The following CRISPLD2 variants were observed in gnomAD, a reference collection of about 807,000 sequenced individuals.
The protein encoded by CRISPLD2 is cysteine-rich secretory protein LCCL domain-containing 2.
Under a neutral mutation model 71.1 loss-of-function variants are expected in CRISPLD2, and 47 were observed. The observed-to-expected ratio is 0.66, with a 90% confidence interval of 0.52 to 0.84. The LOEUF (loss-of-function observed/expected upper bound fraction) is 0.84, where lower values mean the gene tolerates loss of function less well. CRISPLD2 is among the 40% of genes least tolerant of loss of function. The pLI is 0.00. For missense variants in CRISPLD2, 830 were observed against 651.1 expected (o/e 1.27, Z -2.99); for synonymous variants, 317 against 250.1 (o/e 1.27, Z -2.52).
At chr16:84,854,629 G>T (rs1917183374) in intron 5 of CRISPLD2, 100 bp from the exon 6 acceptor site, 1 of 819,652 alleles carries the variant, frequency 1.2e-6, no homozygotes, top group Non-Finnish European at 2.1e-6. Context: ...TGACCTGTCA[G>T]TGGCGGTGTT....
At chr16:84,850,843 G>T (rs1341362553) in intron 5 of CRISPLD2, among the ~76,000 whole-genome samples, 160 bp downstream of exon 5, 2 of 152,154 alleles carry the variant, frequency 1.3e-5, no homozygotes, top group Non-Finnish European at 2.9e-5. Context: ...TAGCTAAGCA[G>T]TGTCAACAAG....
chr16:84,894,184 C>T (rs2071686298), intron 14 of CRISPLD2, among the ~76,000 whole-genome samples: 1 of 152,164 alleles, frequency 6.6e-6, no homozygotes, highest in Non-Finnish European at 1.5e-5. Flanking sequence ...CCTGCTCTCT[C>T]ACCCCTGCCC....
intron 14 of CRISPLD2, among the ~76,000 whole-genome samples, chr16:84,901,972 G>T (rs2071758668): frequency 6.6e-6 from 1 of 150,948 alleles, no homozygotes; most frequent in South Asian, 2.1e-4. Flanking sequence ...TTTTGTTTTT[G>T]TATTTTTGGT....
At chr16:84,834,878 C>A (rs976180200) in intron 1 of CRISPLD2, among the ~76,000 whole-genome samples, 9 of 152,062 alleles carry the variant, frequency 5.9e-5, no homozygotes, top group Non-Finnish European at 1.3e-4. Flanking sequence ...GGTTAGGGCC[C>A]AACCTCATGG....
chr16:84,897,029 T>C (rs1456420369), intron 14 of CRISPLD2, among the ~76,000 whole-genome samples: 4 of 152,146 alleles, frequency 2.6e-5, no homozygotes, highest in African/African-American at 9.7e-5. Flanking sequence ...TTCAAGGCAA[T>C]TGAGGGGGAT....
intron 1 of CRISPLD2, among the ~76,000 whole-genome samples, chr16:84,831,844 C>T (rs1042659794): frequency 6.6e-6 from 1 of 152,152 alleles, no homozygotes; most frequent in Non-Finnish European, 1.5e-5. Context: ...AAGTGATTTT[C>T]CTGCCTCAGC....
In CRISPLD2 at chr16:84,850,533, C is replaced by G. The variant is rs756936476; in HGVS notation, c.493-35C>G. The G allele has an allele frequency of 3.0e-5, 47 of 1,577,268 alleles. No individual in the cohort carries two copies. The South Asian group carries it at 5.1e-4, about 17-fold the overall frequency. Reference sequence around the variant, plus strand: ...TGATATCACCCTTTTGTGCCTTATCCCTCGAGCTGTGACACACAAATGTCA... The same window carrying G: ...TGATATCACCCTTTTGTGCCTTATCGCTCGAGCTGTGACACACAAATGTCA... On this transcript the variant is annotated intron_variant, in intron 4 of 14. Coordinates refer to ENST00000262424, the MANE Select transcript of CRISPLD2 (RefSeq NM_031476.4).
At chr16:84,878,843 C>A (rs1322282477) in intron 12 of CRISPLD2, among the ~76,000 whole-genome samples, 1 of 152,230 alleles carries the variant, frequency 6.6e-6, no homozygotes, top group African/African-American at 2.4e-5. Flanking sequence ...CTAAGCTGCC[C>A]TTCAAACAGA....
At chr16:84,875,978 C>T (rs1480947412) in intron 11 of CRISPLD2, among the ~76,000 whole-genome samples, 1 of 152,158 alleles carries the variant, frequency 6.6e-6, no homozygotes, top group Non-Finnish European at 1.5e-5. Context: ...CTATATAGAA[C>T]CATGGCCTGT....
At chr16:84,831,132 T>C (rs767772018) in intron 1 of CRISPLD2, among the ~76,000 whole-genome samples, 1 of 152,170 alleles carries the variant, frequency 6.6e-6, no homozygotes, top group Non-Finnish European at 1.5e-5. Flanking sequence ...GGGGTGCCCA[T>C]GGGCCTGTCA....
intron 2 of CRISPLD2, among the ~76,000 whole-genome samples, chr16:84,845,476 C>G (rs560588842): frequency 2.9e-4 from 44 of 152,226 alleles, no homozygotes; most frequent in Non-Finnish European, 7.3e-5. Context: ...TTCCACACAG[C>G]GTGCCGTGTT....
At chr16:84,837,373 C>T (rs1298355299) in intron 1 of CRISPLD2, among the ~76,000 whole-genome samples, 17 of 150,918 alleles carry the variant, frequency 1.1e-4, no homozygotes, top group South Asian at 6.3e-4. Flanking sequence ...ACCAGGAGGC[C>T]GGCCCTGGGC....
intron 11 of CRISPLD2, among the ~76,000 whole-genome samples, chr16:84,875,412 GAC>G (rs2071509233): frequency 7.8e-6 from 1 of 128,710 alleles, no homozygotes; most frequent in African/African-American, 3.7e-5. Flanking sequence ...TTTATGCATG[GAC>G]TTTTTTTTTT....
intron 11 of CRISPLD2, 105 bp downstream of exon 11, chr16:84,874,068 G>T: frequency 1.0e-6 from 1 of 962,740 alleles, no homozygotes; most frequent in Non-Finnish European, 1.6e-6. Flanking sequence ...TCATGCGTGT[G>T]AACATTATGG....
chr16:84,836,860 G>A (rs1916634013), intron 1 of CRISPLD2, among the ~76,000 whole-genome samples: 2 of 152,126 alleles, frequency 1.3e-5, no homozygotes, highest in East Asian at 1.9e-4. Context: ...GTGGAGTTCC[G>A]ACGGGTCAGC....
At chr16:84,885,048 CTTG>C (rs201463558) in intron 13 of CRISPLD2, among the ~76,000 whole-genome samples, 143 of 152,262 alleles carry the variant, frequency 9.4e-4, no homozygotes, top group African/African-American at 2.9e-3. Flanking sequence ...CTTATTTCAT[CTTG>C]TTGTTGTTGT....
chr16:84,824,782 C>T (rs562442814), intron 1 of CRISPLD2, among the ~76,000 whole-genome samples: 8 of 152,178 alleles, frequency 5.3e-5, no homozygotes, highest in African/African-American at 1.7e-4. Context: ...TTTCTTGGAA[C>T]GCAAAAAACA....
At position 84,893,035 on chromosome 16, in the gene CRISPLD2, C is replaced by A. The variant is rs561696656; in HGVS notation, c.1439+3672C>A. Among the ~76,000 whole-genome samples the A allele has an allele frequency of 3.4e-3, 506 of 150,456 alleles. 5 individuals carry two copies. Among genetic ancestry groups the A allele is most frequent in the African/African-American group, 0.012 (494 of 40,824 alleles). ...ACTGAATATTCATCACGCACCTGTGCTGGGACCCAGGGCACAGATGATTGA... is the reference window on the plus strand; with the variant it reads ...ACTGAATATTCATCACGCACCTGTGATGGGACCCAGGGCACAGATGATTGA... On this transcript the variant is annotated intron_variant, in intron 14 of 14. Transcript: ENST00000262424.
chr16:84,869,426 C>T (rs1022939849), intron 8 of CRISPLD2, among the ~76,000 whole-genome samples: 3 of 152,276 alleles, frequency 2.0e-5, no homozygotes, highest in Admixed American at 1.3e-4. Context: ...AAAGCTGAAT[C>T]GAGTTATTTA....
Sources: gnomAD v4.1 joint callset for allele counts (sites outside exome capture counted in the v4.1 genomes callset) on GRCh38, gnomAD v4.1.1 for gene constraint, MANE v1.5 for transcripts, NCBI Gene and HGNC (gene_info 2026-07-23, HGNC 2026-07-21) for gene names.